NEK7: variants seen among roughly 807,000 people sequenced by gnomAD.
NEK7 encodes serine/threonine-protein kinase Nek7.
Under a neutral mutation model 44.6 loss-of-function variants are expected in NEK7, and 18 were observed. That is an observed-to-expected ratio of 0.40 (90% CI 0.28 to 0.60). NEK7 has a LOEUF of 0.60. Among genes scored for constraint, NEK7 ranks in the 20% least tolerant of loss-of-function variants. The probability of loss-of-function intolerance (pLI) is 0.38; values close to 1 mark genes in which losing one functional copy is unlikely to be tolerated. For synonymous variants in NEK7, 130 were observed against 121.1 expected (o/e 1.07, Z -0.48); for missense variants, 256 against 366.5 (o/e 0.70, Z 2.46).
At chr1:198,179,643 T>G (rs1357687031) in intron 1 of NEK7, among the ~76,000 whole-genome samples, 2 of 152,170 alleles carry the variant, frequency 1.3e-5, no homozygotes, top group Non-Finnish European at 1.5e-5. Flanking sequence ...GGTTGGATTT[T>G]GGGCTAAACA....
chr1:198,312,499 C>T (rs1012127367), intron 9 of NEK7, among the ~76,000 whole-genome samples: 9 of 152,078 alleles, frequency 5.9e-5, no homozygotes, highest in Admixed American at 3.3e-4. Flanking sequence ...TGTGTTTGCT[C>T]TTGCTTTTCT....
intron 1 of NEK7, among the ~76,000 whole-genome samples, chr1:198,181,302 G>T (rs932365115): frequency 6.6e-6 from 1 of 152,050 alleles, no homozygotes; most frequent in Admixed American, 6.6e-5. Flanking sequence ...CTTCCATGAA[G>T]ATTCTTCAGT....
chr1:198,165,284 G>A (rs558561669), intron 1 of NEK7, among the ~76,000 whole-genome samples: 2 of 152,170 alleles, frequency 1.3e-5, no homozygotes, highest in Non-Finnish European at 2.9e-5. Context: ...ATCTAGAATG[G>A]TGAATCCTTT....
chr1:198,198,996 T>C (rs1470627968), intron 1 of NEK7, among the ~76,000 whole-genome samples: 1 of 152,214 alleles, frequency 6.6e-6, no homozygotes, highest in Non-Finnish European at 1.5e-5. Flanking sequence ...CCACCTACCA[T>C]CAGTAATGGG....
intron 2 of NEK7, among the ~76,000 whole-genome samples, chr1:198,234,104 C>T (rs1467791428): frequency 6.6e-6 from 1 of 151,996 alleles, no homozygotes; most frequent in Non-Finnish European, 1.5e-5. Flanking sequence ...ACCTTGGATG[C>T]CCTCTGGTAC....
intron 2 of NEK7, 44 bp from the exon 3 acceptor site, chr1:198,252,996 G>T (rs763768664): frequency 6.5e-7 from 1 of 1,549,080 alleles, no homozygotes; most frequent in East Asian, 2.3e-5. Flanking sequence ...TGTATTGCGT[G>T]TATATTGTGT....
rs757787127 is a variant in NEK7, at chr1:198,319,446, ATC to A, written c.834_835del (p.Pro279ArgfsTer11). On this transcript the variant is annotated frameshift_variant, in exon 10 of 10. Coordinates refer to ENST00000367385, the MANE Select transcript of NEK7 (RefSeq NM_133494.3). LOFTEE classifies it high-confidence loss of function. ...TTAGTTAATATGTGCATCAACCCAG[ATC>A]CAGAGAAGCGACCAGACGTCACCTA... is the stretch of plus-strand genomic sequence containing the variant. The A allele has an allele frequency of 6.2e-7, 1 of 1,613,324 alleles. No homozygotes were observed. The highest frequency in any genetic ancestry group is 8.5e-7 in the Non-Finnish European group (1 of 1,179,476).
chr1:198,287,985 A>G (rs1057032296), intron 7 of NEK7, among the ~76,000 whole-genome samples: 5 of 152,206 alleles, frequency 3.3e-5, no homozygotes, highest in Non-Finnish European at 7.3e-5. Flanking sequence ...CGTGTTGCCC[A>G]CACTATTTCC....
intron 1 of NEK7, among the ~76,000 whole-genome samples, chr1:198,197,154 G>A (rs1162198407): frequency 6.6e-6 from 1 of 152,150 alleles, no homozygotes. Flanking sequence ...TAGTGTTCAA[G>A]CTATGTAGAA....
chr1:198,212,539 G>T (rs1011119731), intron 1 of NEK7, among the ~76,000 whole-genome samples: 9 of 152,196 alleles, frequency 5.9e-5, no homozygotes. Context: ...CAGCAGCCAG[G>T]GAACTGCCCT....
In NEK7 at chr1:198,207,056, C is replaced by T. The variant is rs144428636; in HGVS notation, c.-28-25497C>T. The T allele has an allele frequency of 3.3e-3, 498 of 152,226 alleles. 3 individuals are homozygous for T. The highest frequency in any genetic ancestry group is 0.011 in the African/African-American group (472 of 41,554). The allele number at this position is 152,226 out of a possible 1,614,324, so 9.4% of individuals were successfully genotyped here. ...AGGTTCATTACATTTCTCAATTTGT[C>T]ACAATTTTTATTAAAATCCTATTAC... On this transcript the variant is annotated intron_variant, in intron 1 of 9. Transcript: ENST00000367385.
chr1:198,281,479 A>C (rs1340443117), intron 7 of NEK7, among the ~76,000 whole-genome samples: 2 of 152,056 alleles, frequency 1.3e-5, no homozygotes, highest in African/African-American at 4.8e-5. Flanking sequence ...GTGAAACTAT[A>C]AATAAATGAA....
intron 2 of NEK7, chr1:198,245,445 G>A (rs368095156): frequency 1.8e-5 from 3 of 166,516 alleles, no homozygotes; most frequent in South Asian, 2.0e-4. Context: ...CTGCCTGAGC[G>A]AGCTGAAGAT....
intron 9 of NEK7, among the ~76,000 whole-genome samples, chr1:198,316,307 G>A (rs6679604): frequency 0.15 from 22,458 of 152,120 alleles, 1,958 homozygotes; most frequent in East Asian, 0.43. Flanking sequence ...GGAAGACAGA[G>A]ACTAAATTGG....
In NEK7 at chr1:198,226,648, G is replaced by T. The variant is rs531053845; in HGVS notation, c.-28-5905G>T. Among the ~76,000 whole-genome samples the T allele has an allele frequency of 1.3e-4, 20 of 151,970 alleles. No homozygotes were observed. The South Asian group carries it at 4.0e-3, about 30-fold the overall frequency. ...TAATATGTATATGTTTTCATCCACA[G>T]TTCCTGCCTCATAACTCCCATAATG... On this transcript the variant is annotated intron_variant, in intron 1 of 9. Transcript: ENST00000367385.
intron 1 of NEK7, among the ~76,000 whole-genome samples, chr1:198,219,951 A>G (rs1446826969): frequency 7.7e-6 from 1 of 129,298 alleles, no homozygotes; most frequent in Non-Finnish European, 1.6e-5. Context: ...TGGGGTGGGA[A>G]ATACTATGAG....
chr1:198,182,221 T>G (rs1664789028), intron 1 of NEK7, among the ~76,000 whole-genome samples: 1 of 152,176 alleles, frequency 6.6e-6, no homozygotes, highest in Non-Finnish European at 1.5e-5. Flanking sequence ...ATAATGATGG[T>G]CAGCTTTCAG....
intron 1 of NEK7, among the ~76,000 whole-genome samples, chr1:198,207,745 T>G (rs1006694220): frequency 6.6e-6 from 1 of 152,190 alleles, no homozygotes; most frequent in African/African-American, 2.4e-5. Flanking sequence ...TATATTTTGA[T>G]TCTAGTGGTT....
chr1:198,207,660 G>C (rs1431151715), intron 1 of NEK7, among the ~76,000 whole-genome samples: 1 of 152,156 alleles, frequency 6.6e-6, no homozygotes, highest in East Asian at 1.9e-4. Flanking sequence ...ATACAGATTA[G>C]TATTTGTCAA....
Sources: allele counts gnomAD v4.1 joint callset (sites outside exome capture counted in the v4.1 genomes callset), GRCh38; gene constraint gnomAD v4.1.1; transcripts MANE v1.5; gene names NCBI Gene and HGNC (gene_info 2026-07-23, HGNC 2026-07-21).